Variants in DPY19L2 observed in about 807,000 individuals in gnomAD.
DPY19L2 encodes the protein probable C-mannosyltransferase DPY19L2.
In DPY19L2, 34 loss-of-function variants were observed where a neutral mutation model predicts 97.9. The observed-to-expected ratio is 0.35, with a 90% CI of 0.26 to 0.46. DPY19L2 has a LOEUF of 0.46. Among genes scored for constraint, DPY19L2 ranks in the 20% least tolerant of loss-of-function variants. The pLI is 1.00. For synonymous variants in DPY19L2, 230 were observed against 307.9 expected (o/e 0.75, Z 2.65); for missense variants, 623 against 911.4 (o/e 0.68, Z 4.07).
At chr12:63,592,857 A>C (rs1256064748) in intron 16 of DPY19L2, among the ~76,000 whole-genome samples, 3 of 152,128 alleles carry the variant, frequency 2.0e-5, no homozygotes, top group African/African-American at 7.2e-5. Context: ...CAGGCAACCT[A>C]CAACATGGGA....
intron 8 of DPY19L2, among the ~76,000 whole-genome samples, chr12:63,623,548 A>G (rs1291054182): frequency 6.6e-6 from 1 of 152,068 alleles, no homozygotes; most frequent in Non-Finnish European, 1.5e-5. Flanking sequence ...GTAGTTATCT[A>G]AAACCTGTAG....
chr12:63,600,430 C>T lies in DPY19L2; in HGVS notation c.1279-44G>A, dbSNP rs551011884. The T allele has an allele frequency of 8.7e-6, 12 of 1,382,058 alleles. No homozygotes were observed. In the East Asian group the frequency reaches 1.1e-4, roughly 13 times the overall value. 85.6% of individuals were successfully genotyped at this position (1,382,058 alleles called of 1,614,324 possible). ...GTCCAGTATTTAAAACTACAAATCA[C>T]CCAGCTAAAGTATTCAATTATGTCT... On this transcript the variant is annotated intron_variant, in intron 12 of 21. Transcript: ENST00000324472.
intron 21 of DPY19L2, among the ~76,000 whole-genome samples, chr12:63,561,182 A>G (rs781525903): frequency 1.3e-5 from 2 of 152,174 alleles, no homozygotes; most frequent in Non-Finnish European, 1.5e-5. Context: ...TAAATGAGAC[A>G]CTATTCCTCC....
chr12:63,618,098 T>C (rs61936087), intron 10 of DPY19L2, 53 bp downstream of exon 10: 248,050 of 1,202,076 alleles, frequency 0.21, 27,943 homozygotes, highest in African/African-American at 0.42. Flanking sequence ...TTCGATTTTA[T>C]AAACTCTGAG....
At position 63,647,369 on chromosome 12, in the gene DPY19L2, A is replaced by T. The variant is rs764934335; in HGVS notation, c.589-4T>A. On this transcript the variant is annotated splice_region_variant and splice_polypyrimidine_tract_variant and intron_variant, in intron 4 of 21. Coordinates refer to ENST00000324472, the MANE Select transcript of DPY19L2 (RefSeq NM_173812.5). ...AATACCAGGAGGCTATGATTACCTT[A>T]AAAAAGATAAAAACAAAGAGATAAT... 6.6e-6 allele frequency: 10 copies of T among 1,517,156 alleles called. No homozygotes were observed. The Admixed American group carries it at 9.8e-5, about 15-fold the overall frequency. The allele number at this position is 1,517,156 out of a possible 1,614,324, so 94.0% of individuals were successfully genotyped here.
chr12:63,628,289 C>T (rs972292607), intron 6 of DPY19L2, among the ~76,000 whole-genome samples: 2 of 152,196 alleles, frequency 1.3e-5, no homozygotes, highest in African/African-American at 4.8e-5. Context: ...CCAGGAAGCG[C>T]AAGGGGTCAG....
chr12:63,592,705 T>A (rs1378392097), intron 16 of DPY19L2, among the ~76,000 whole-genome samples: 5 of 146,842 alleles, frequency 3.4e-5, no homozygotes, highest in Admixed American at 6.8e-5. Flanking sequence ...AACCTAGGCA[T>A]TACCATTCAG....
intron 19 of DPY19L2, among the ~76,000 whole-genome samples, chr12:63,573,287 C>G (rs1471554127): frequency 1.3e-5 from 2 of 151,642 alleles, no homozygotes; most frequent in Middle Eastern, 3.2e-3. Flanking sequence ...AATTCTGGAG[C>G]TGAAAAATGC....
chr12:63,648,431 CTT>C (rs1345315286), intron 4 of DPY19L2, among the ~76,000 whole-genome samples: 2 of 143,840 alleles, frequency 1.4e-5, no homozygotes, highest in Admixed American at 7.0e-5. Flanking sequence ...CTTCCCTGGG[CTT>C]TTTTTTTTTT....
chr12:63,579,900 T>TA (rs372571849), intron 19 of DPY19L2, among the ~76,000 whole-genome samples: 102 of 152,198 alleles, frequency 6.7e-4, no homozygotes, highest in African/African-American at 2.3e-3. Context: ...TCAGGAGTCA[T>TA]AAGAAAATTT....
chr12:63,630,067 C>T (rs1890310816), intron 6 of DPY19L2, among the ~76,000 whole-genome samples: 1 of 152,100 alleles, frequency 6.6e-6, no homozygotes, highest in Non-Finnish European at 1.5e-5. Context: ...CTGAAGGAAG[C>T]ATGAAATATG....
chr12:63,664,300 G>A (rs1896059592), intron 2 of DPY19L2, among the ~76,000 whole-genome samples: 1 of 151,886 alleles, frequency 6.6e-6, no homozygotes, highest in African/African-American at 2.4e-5. Flanking sequence ...TCATGCCACT[G>A]CACTCCAGCC....
At chr12:63,607,450 A>C (rs892506604) in intron 12 of DPY19L2, among the ~76,000 whole-genome samples, 1 of 152,154 alleles carries the variant, frequency 6.6e-6, no homozygotes, top group African/African-American at 2.4e-5. Flanking sequence ...AAGAATAATA[A>C]AAAGACAAAA....
intron 11 of DPY19L2, among the ~76,000 whole-genome samples, chr12:63,614,952 C>G (rs1887608495): frequency 6.6e-6 from 1 of 152,048 alleles, no homozygotes; most frequent in South Asian, 2.1e-4. Flanking sequence ...GGGTGCCTTG[C>G]AGGAATGGCT....
At chr12:63,627,509 C>G (rs141336078) in intron 6 of DPY19L2, among the ~76,000 whole-genome samples, 10 of 152,058 alleles carry the variant, frequency 6.6e-5, no homozygotes, top group African/African-American at 2.2e-4. Context: ...TGCCACCACA[C>G]CTGGCGATTT....
intron 6 of DPY19L2, among the ~76,000 whole-genome samples, chr12:63,637,322 A>G (rs1891894829): frequency 6.6e-6 from 1 of 152,180 alleles, no homozygotes; most frequent in African/African-American, 2.4e-5. Context: ...AAATGCCCAC[A>G]AGAGAAAGCA....
At chr12:63,617,433 A>T (rs778173154) in intron 10 of DPY19L2, 43 bp from the exon 11 acceptor site, 2 of 1,349,002 alleles carry the variant, frequency 1.5e-6, no homozygotes, top group East Asian at 4.8e-5. Context: ...TATTACATAT[A>T]TTGGCATAAT....
chr12:63,636,592 C>G lies in DPY19L2; in HGVS notation c.803+7811G>C, dbSNP rs529199678. Among the ~76,000 whole-genome samples, 6 of 152,054 alleles carry G rather than the reference C, an allele frequency of 3.9e-5. No homozygotes were observed. The East Asian group carries it at 1.2e-3, about 29-fold the overall frequency. The stretch of plus-strand genomic sequence containing the variant: ...AAGGGATGGAGGAAGATCTACCAAG[C>G]AAACAGAAAACAAAACAAAACAAAA... On this transcript the variant is annotated intron_variant, in intron 6 of 21. Coordinates refer to ENST00000324472, the MANE Select transcript of DPY19L2 (RefSeq NM_173812.5).
At chr12:63,627,947 G>C (rs1050129450) in intron 6 of DPY19L2, among the ~76,000 whole-genome samples, 1 of 152,138 alleles carries the variant, frequency 6.6e-6, no homozygotes, top group African/African-American at 2.4e-5. Context: ...ATTTAATAAA[G>C]TTTCACTCAG....
Sources: gnomAD v4.1 joint callset for allele counts (sites outside exome capture counted in the v4.1 genomes callset) on GRCh38, gnomAD v4.1.1 for gene constraint, MANE v1.5 for transcripts, NCBI Gene and HGNC (gene_info 2026-07-23, HGNC 2026-07-21) for gene names.